The following MARCHF4 variants were observed in gnomAD, a reference collection of about 807,000 sequenced individuals.
The protein encoded by MARCHF4 is membrane associated ring-CH-type finger 4, also known as E3 ubiquitin-protein ligase MARCHF4.
In MARCHF4, 14 loss-of-function variants were observed where a neutral mutation model predicts 43.9. That is an observed-to-expected ratio of 0.32 (90% CI 0.21 to 0.50). The LOEUF is 0.50. Among genes scored for constraint, MARCHF4 ranks in the 20% least tolerant of loss-of-function variants. The pLI is 0.98. For missense variants in MARCHF4, 468 were observed against 536.7 expected (o/e 0.87, Z 1.27); for synonymous variants, 226 against 213.3 (o/e 1.06, Z -0.52).
intron 1 of MARCHF4, among the ~76,000 whole-genome samples, chr2:216,354,916 T>G (rs930541044): frequency 1.8e-3 from 183 of 104,036 alleles, no homozygotes; most frequent in African/African-American, 7.0e-3. Flanking sequence ...TCTTTCTTTC[T>G]TTCTTTCTTT....
At position 216,369,875 on chromosome 2, in the gene MARCHF4, G is replaced by A. The variant is rs765967173; in HGVS notation, c.386C>T (p.Ser129Leu). Residue 129 changes from serine (S) to leucine (L), a missense_variant, in exon 1 of 4, where the codon TCG (serine) becomes TTG (leucine). By Grantham distance (145) the Ser-to-Leu change is moderately radical. Coordinates refer to ENST00000273067, the MANE Select transcript of MARCHF4 (RefSeq NM_020814.3). ...WGGPATEPPA[S>L]LLSSASSDDF... ...ATCTGAGGAGGCACTGCTGAGCAGCGAGGCAGGTGGCTCTGTGGCTGGGCC... is the reference window on the plus strand; with the variant it reads ...ATCTGAGGAGGCACTGCTGAGCAGCAAGGCAGGTGGCTCTGTGGCTGGGCC... The A allele has an allele frequency of 1.1e-5, 18 of 1,613,866 alleles. No individual in the cohort carries two copies. The Admixed American group carries it at 2.2e-4, about 19-fold the overall frequency.
intron 1 of MARCHF4, among the ~76,000 whole-genome samples, chr2:216,296,105 C>G (rs1691387780): frequency 6.6e-6 from 1 of 152,178 alleles, no homozygotes; most frequent in African/African-American, 2.4e-5. Context: ...AAGATCGTGC[C>G]ACTGCACTCC....
intron 1 of MARCHF4, among the ~76,000 whole-genome samples, chr2:216,360,528 T>TAC (rs34860147): frequency 0.32 from 48,361 of 151,562 alleles, 7,900 homozygotes; most frequent in East Asian, 0.51. Context: ...CTGAAAAGGC[T>TAC]ACACACTGTA....
intron 1 of MARCHF4, among the ~76,000 whole-genome samples, chr2:216,329,686 T>C (rs1333942928): frequency 6.6e-6 from 1 of 151,272 alleles, no homozygotes; most frequent in Non-Finnish European, 1.5e-5. Context: ...ATATCAGTAA[T>C]TACATTAAAT....
intron 1 of MARCHF4, among the ~76,000 whole-genome samples, chr2:216,357,193 G>C (rs1243904452): frequency 1.3e-5 from 2 of 152,018 alleles, no homozygotes; most frequent in Non-Finnish European, 2.9e-5. Context: ...TTCACCAAGG[G>C]TCCCACTAAT....
At chr2:216,368,993 C>A (rs1474106793) in intron 1 of MARCHF4, among the ~76,000 whole-genome samples, 1 of 152,126 alleles carries the variant, frequency 6.6e-6, no homozygotes, top group East Asian at 1.9e-4. Flanking sequence ...GGATGGGGAG[C>A]ATTTAAGGGA....
intron 2 of MARCHF4, 102 bp from the exon 3 acceptor site, chr2:216,277,966 AT>A: frequency 8.6e-7 from 1 of 1,167,408 alleles, no homozygotes; most frequent in Non-Finnish European, 1.2e-6. Flanking sequence ...CTGATTTAGG[AT>A]TTAAGCCAGG....
intron 1 of MARCHF4, among the ~76,000 whole-genome samples, chr2:216,287,682 A>C (rs1691238424): frequency 6.6e-6 from 1 of 151,348 alleles, no homozygotes; most frequent in Non-Finnish European, 1.5e-5. Context: ...AGATATACCT[A>C]ATGCTAAACG....
intron 1 of MARCHF4, among the ~76,000 whole-genome samples, chr2:216,329,254 A>G (rs1010838797): frequency 6.6e-6 from 1 of 151,842 alleles, no homozygotes; most frequent in East Asian, 1.9e-4. Flanking sequence ...GGTGGCGGGC[A>G]CCTGTAGTCC....
intron 1 of MARCHF4, among the ~76,000 whole-genome samples, chr2:216,367,854 A>G (rs1485564716): frequency 6.6e-6 from 1 of 152,206 alleles, no homozygotes; most frequent in Admixed American, 6.5e-5. Context: ...TCTGTTATCA[A>G]AATACATGCT....
intron 1 of MARCHF4, among the ~76,000 whole-genome samples, chr2:216,342,797 C>T (rs1211270678): frequency 6.6e-6 from 1 of 152,086 alleles, no homozygotes; most frequent in Non-Finnish European, 1.5e-5. Context: ...CACGGTACAC[C>T]CTCCCTTCCA....
At chr2:216,320,671 C>A (rs13025882) in intron 1 of MARCHF4, among the ~76,000 whole-genome samples, 1 of 56,592 alleles carries the variant, frequency 1.8e-5, no homozygotes, top group Non-Finnish European at 3.4e-5. Context: ...TTCTTTCTTT[C>A]TTTCTTTTTT....
intron 1 of MARCHF4, among the ~76,000 whole-genome samples, chr2:216,286,125 C>T (rs1691215031): frequency 6.6e-6 from 1 of 152,194 alleles, no homozygotes; most frequent in African/African-American, 2.4e-5. Flanking sequence ...CAGTGCCTGG[C>T]TAAGGGACAA....
chr2:216,344,235 A>G (rs1472986728), intron 1 of MARCHF4, among the ~76,000 whole-genome samples: 1 of 140,964 alleles, frequency 7.1e-6, no homozygotes, highest in Non-Finnish European at 1.5e-5. Flanking sequence ...CCACAGCAAA[A>G]CAAAAACAGA....
chr2:216,262,583 G>T (rs1223236001), intron 3 of MARCHF4, among the ~76,000 whole-genome samples: 1 of 152,112 alleles, frequency 6.6e-6, no homozygotes, highest in African/African-American at 2.4e-5. Flanking sequence ...CGGAGAGTGG[G>T]ATGTTTAAAT....
rs1278828776 is a variant in MARCHF4 at position 216,371,824 on chromosome 2, G to T, written c.-1564C>A. 1 of 152,384 alleles carries T rather than the reference G, an allele frequency of 6.6e-6. No homozygotes were observed. Among genetic ancestry groups the T allele is most frequent in the Non-Finnish European group, 1.5e-5 (1 of 68,228 alleles). 9.4% of individuals were successfully genotyped at this position (152,384 alleles called of 1,614,324 possible). A position where few individuals can be genotyped will look rare whatever the true frequency, so the allele number is the denominator to read the frequency against. Reference sequence around the variant, plus strand: ...AGGAGGGCGGCTGCCGGGTCTGCTCGGCAGCTCTGCCCCCGCTACCCCCAC... The same window carrying T: ...AGGAGGGCGGCTGCCGGGTCTGCTCTGCAGCTCTGCCCCCGCTACCCCCAC... On this transcript the variant is annotated 5_prime_UTR_variant, in exon 1 of 4. Coordinates refer to ENST00000273067, the MANE Select transcript of MARCHF4 (RefSeq NM_020814.3).
chr2:216,307,092 C>T (rs140507645), intron 1 of MARCHF4, among the ~76,000 whole-genome samples: 107 of 152,272 alleles, frequency 7.0e-4, no homozygotes, highest in African/African-American at 2.4e-3. Context: ...TCTCTCCTCC[C>T]GCCCTGGTAG....
At chr2:216,357,134 C>A (rs1469694439) in intron 1 of MARCHF4, among the ~76,000 whole-genome samples, 1 of 152,172 alleles carries the variant, frequency 6.6e-6, no homozygotes, top group Non-Finnish European at 1.5e-5. Flanking sequence ...AAACTAGGAA[C>A]TCAACATTGA....
intron 1 of MARCHF4, among the ~76,000 whole-genome samples, chr2:216,307,409 T>A (rs1691605703): frequency 6.6e-6 from 1 of 152,090 alleles, no homozygotes; most frequent in Admixed American, 6.5e-5. Flanking sequence ...GGTTTCTATT[T>A]TTAAACCCTT....
Sources: gnomAD v4.1 joint callset for allele counts (sites outside exome capture counted in the v4.1 genomes callset) on GRCh38, gnomAD v4.1.1 for gene constraint, MANE v1.5 for transcripts, NCBI Gene and HGNC (gene_info 2026-07-23, HGNC 2026-07-21) for gene names.